The following SPPL3 variants were observed in gnomAD, a reference collection of about 807,000 sequenced individuals.
The protein encoded by SPPL3 is signal peptide peptidase like 3, also known as signal peptide peptidase-like 3.
In SPPL3, 5 loss-of-function variants were observed where a neutral mutation model predicts 42.4. That is an observed-to-expected ratio of 0.12 (90% CI 0.06 to 0.25). The LOEUF is 0.25. SPPL3 is among the 10% of genes least tolerant of loss of function. The probability of loss-of-function intolerance (pLI) is 1.00; values close to 1 mark genes in which losing one functional copy is unlikely to be tolerated. For synonymous variants in SPPL3, 195 were observed against 181.8 expected (o/e 1.07, Z -0.58); for missense variants, 235 against 489.0 (o/e 0.48, Z 4.90).
chr12:120,847,530 G>C (rs1451086612), intron 1 of SPPL3, among the ~76,000 whole-genome samples: 1 of 152,040 alleles, frequency 6.6e-6, no homozygotes, highest in African/African-American at 2.4e-5. Context: ...TGAGCTCAAA[G>C]CAATCTGCCT....
At chr12:120,804,344 C>A (rs1870421112) in intron 2 of SPPL3, among the ~76,000 whole-genome samples, 1 of 151,998 alleles carries the variant, frequency 6.6e-6, no homozygotes, top group African/African-American at 2.4e-5. Flanking sequence ...AACCCAGAGG[C>A]ACTTATAACA....
At chr12:120,806,865 G>GAAAA (rs2136998544) in intron 2 of SPPL3, among the ~76,000 whole-genome samples, 1 of 149,756 alleles carries the variant, frequency 6.7e-6, no homozygotes, top group South Asian at 2.1e-4. Context: ...AAGAAAGAAA[G>GAAAA]AAAGAAAACA....
chr12:120,778,297 A>G (rs1869406563), intron 6 of SPPL3, among the ~76,000 whole-genome samples: 1 of 151,660 alleles, frequency 6.6e-6, no homozygotes, highest in Non-Finnish European at 1.5e-5. Context: ...TTGAACTTTT[A>G]GTAGAGACGG....
At chr12:120,837,819 C>CAT (rs1022841953) in intron 1 of SPPL3, among the ~76,000 whole-genome samples, 50 of 151,480 alleles carry the variant, frequency 3.3e-4, no homozygotes, top group Middle Eastern at 3.4e-3. Context: ...GCAGCTGTTA[C>CAT]ATACACACAC....
rs1555246369 is a variant in SPPL3 at position 120,766,135 on chromosome 12, C to CACACACAA, written c.1083+127_1083+128insTTGTGTGT. On this transcript the variant is annotated intron_variant, in intron 10 of 10. Transcript: ENST00000353487. ...ACACACACACACACACACACACACA[C>CACACACAA]ACACACAGTCGAGATCACAAGCTCA... 10 of 656,602 alleles carry CACACACAA rather than the reference C, an allele frequency of 1.5e-5. 1 individual carries two copies. In the East Asian group the frequency reaches 2.5e-4, roughly 16 times the overall value. 40.7% of individuals were successfully genotyped at this position (656,602 alleles called of 1,614,324 possible).
At chr12:120,870,363 T>C (rs1872884268) in intron 1 of SPPL3, among the ~76,000 whole-genome samples, 1 of 152,122 alleles carries the variant, frequency 6.6e-6, no homozygotes, top group Non-Finnish European at 1.5e-5. Context: ...GAGAATCACT[T>C]GAACCCGGGA....
chr12:120,772,330 T>G (rs187735442), intron 6 of SPPL3, among the ~76,000 whole-genome samples: 4 of 152,310 alleles, frequency 2.6e-5, no homozygotes, highest in African/African-American at 9.6e-5. Context: ...CCCAGTTGCT[T>G]CTTCTATGTG....
chr12:120,798,402 CTAAT>C (rs1176985688), intron 2 of SPPL3, among the ~76,000 whole-genome samples: 1 of 152,152 alleles, frequency 6.6e-6, no homozygotes, highest in Non-Finnish European at 1.5e-5. Context: ...AAACTTTTTC[CTAAT>C]TAGTTCCACA....
rs577899339 is a variant in SPPL3 at position 120,900,998 on chromosome 12, C to T, written c.23+2847G>A. On this transcript the variant is annotated intron_variant, in intron 1 of 10. Transcript: ENST00000353487. ...AAGGGAAGAGTGACAAAGATAACTG[C>T]AAAATGACAGATAATCCAAAAATCA... Among the ~76,000 whole-genome samples, 30 of 151,112 alleles carry T rather than the reference C, an allele frequency of 2.0e-4. No homozygotes were observed. The South Asian group carries it at 6.1e-3, about 31-fold the overall frequency.
intron 1 of SPPL3, chr12:120,811,183 G>C (rs1870672502): frequency 4.7e-6 from 1 of 214,614 alleles, no homozygotes; most frequent in Admixed American, 5.8e-5. Flanking sequence ...AATTTAAAAA[G>C]TATCAAAATA....
chr12:120,843,801 T>C (rs1871919726), intron 1 of SPPL3, among the ~76,000 whole-genome samples: 2 of 151,838 alleles, frequency 1.3e-5, no homozygotes, highest in Non-Finnish European at 1.5e-5. Context: ...CTACCAAACA[T>C]ACAAAAATTA....
intron 1 of SPPL3, among the ~76,000 whole-genome samples, chr12:120,901,383 G>C (rs897439680): frequency 6.6e-6 from 1 of 151,894 alleles, no homozygotes; most frequent in Non-Finnish European, 1.5e-5. Context: ...ACTGGGTCAG[G>C]AGTTTGAGAC....
chr12:120,799,200 C>T (rs963802298), intron 2 of SPPL3, among the ~76,000 whole-genome samples: 1 of 152,160 alleles, frequency 6.6e-6, no homozygotes, highest in Non-Finnish European at 1.5e-5. Context: ...CTACCTTAAA[C>T]GTGCTCAGAA....
chr12:120,862,005 G>T (rs1314419816), intron 1 of SPPL3, among the ~76,000 whole-genome samples: 1 of 152,160 alleles, frequency 6.6e-6, no homozygotes. Context: ...AAGTGAACAT[G>T]AATTACAATG....
chr12:120,802,430 TA>T lies in SPPL3; in HGVS notation c.101+8378del, dbSNP rs372012805. Among the ~76,000 whole-genome samples, 522 of 114,592 alleles carry T rather than the reference TA, an allele frequency of 4.6e-3. 4 individuals are homozygous for T. Among genetic ancestry groups the T allele is most frequent in the African/African-American group, 0.014 (282 of 20,340 alleles). 75.2% of individuals were successfully genotyped at this position (114,592 alleles called of 152,430 possible). A position where few individuals can be genotyped will look rare whatever the true frequency, so the allele number is the denominator to read the frequency against. On this transcript the variant is annotated intron_variant, in intron 2 of 10. Transcript: ENST00000353487. ...GTGTGTGTGTGTATATATATATATATATTTTTTTTTTTTTTCCTTTTTGAGA... is the reference window on the plus strand; with the variant it reads ...GTGTGTGTGTGTATATATATATATATTTTTTTTTTTTTTTCCTTTTTGAGA...
intron 3 of SPPL3, among the ~76,000 whole-genome samples, chr12:120,788,737 T>C (rs1869806327): frequency 6.6e-6 from 1 of 152,224 alleles, no homozygotes; most frequent in African/African-American, 2.4e-5. Context: ...AACTTCTGAT[T>C]ACTGTCTCCT....
intron 2 of SPPL3, among the ~76,000 whole-genome samples, chr12:120,806,261 G>T (rs548830709): frequency 1.3e-5 from 2 of 149,150 alleles, no homozygotes; most frequent in South Asian, 4.4e-4. Context: ...GCAGTGGCGC[G>T]ATCATAGTTC....
intron 1 of SPPL3, among the ~76,000 whole-genome samples, chr12:120,852,803 C>CATATG (rs1251760454): frequency 0.69 from 35,285 of 51,148 alleles, 15,417 homozygotes; most frequent in East Asian, 0.86. Context: ...ATCATATATA[C>CATATG]ATATATGAAA....
chr12:120,895,362 G>A (rs1208132861), intron 1 of SPPL3, among the ~76,000 whole-genome samples: 1 of 151,998 alleles, frequency 6.6e-6, no homozygotes, highest in African/African-American at 2.4e-5. Flanking sequence ...AGGAGGTAGA[G>A]GTTGCAGTGA....
Sources: gnomAD v4.1 joint callset for allele counts (sites outside exome capture counted in the v4.1 genomes callset) on GRCh38, gnomAD v4.1.1 for gene constraint, MANE v1.5 for transcripts, NCBI Gene and HGNC (gene_info 2026-07-23, HGNC 2026-07-21) for gene names.